EIF4G3: variants seen among roughly 807,000 people sequenced by gnomAD.
The protein encoded by EIF4G3 is eukaryotic translation initiation factor 4 gamma 3.
In EIF4G3, 34 loss-of-function variants were observed where a neutral mutation model predicts 186.4. The ratio of observed to expected loss-of-function variants is 0.18; its 90% confidence interval spans 0.14 to 0.24. The LOEUF is 0.24. EIF4G3 is among the 10% of genes least tolerant of loss of function. The probability of loss-of-function intolerance (pLI) is 1.00; values close to 1 mark genes in which losing one functional copy is unlikely to be tolerated. For synonymous variants in EIF4G3, 673 were observed against 679.5 expected (o/e 0.99, Z 0.15); for missense variants, 1,536 against 1,948.5 (o/e 0.79, Z 3.99).
chr1:21,016,609 T>C (rs779338872), intron 4 of EIF4G3, among the ~76,000 whole-genome samples: 1 of 151,978 alleles, frequency 6.6e-6, no homozygotes, highest in Non-Finnish European at 1.5e-5. Flanking sequence ...CAGTGAGCCA[T>C]GATCGCGTCA....
intron 11 of EIF4G3, among the ~76,000 whole-genome samples, chr1:20,972,026 C>T (rs566771740): frequency 2.6e-5 from 4 of 152,262 alleles, no homozygotes; most frequent in Admixed American, 2.0e-4. Context: ...GGGAGTCTCT[C>T]TTGAATAAAA....
At chr1:20,980,259 TA>T in intron 10 of EIF4G3, 74 bp downstream of exon 10, 1 of 1,080,952 alleles carries the variant, frequency 9.3e-7, no homozygotes, top group Non-Finnish European at 1.3e-6. Flanking sequence ...CCTCATTGTA[TA>T]AACCAACCCA....
At position 20,931,584 on chromosome 1, in the gene EIF4G3, G is replaced by A. The variant is rs1310592647; in HGVS notation, c.1663+9907C>T. On this transcript the variant is annotated intron_variant, in intron 14 of 36. Transcript: ENST00000602326. ...CCTAATGAGAGTCAGCCTGTCTTTTGTAGCTTTAATGCCAGGTATTGACTT... is the reference window on the plus strand; with the variant it reads ...CCTAATGAGAGTCAGCCTGTCTTTTATAGCTTTAATGCCAGGTATTGACTT... Among the ~76,000 whole-genome samples, 3 of 152,144 alleles carry A rather than the reference G, an allele frequency of 2.0e-5. No individual in the cohort carries two copies. In the East Asian group the frequency reaches 5.8e-4, roughly 29 times the overall value.
At chr1:21,018,345 G>GC (rs2089797456) in intron 4 of EIF4G3, among the ~76,000 whole-genome samples, 1 of 152,046 alleles carries the variant, frequency 6.6e-6, no homozygotes, top group Non-Finnish European at 1.5e-5. Flanking sequence ...CCTTTGGGAG[G>GC]CCGAGGCGGG....
chr1:20,942,529 C>T (rs2095759803), intron 13 of EIF4G3, among the ~76,000 whole-genome samples, 199 bp from the exon 14 acceptor site: 1 of 152,088 alleles, frequency 6.6e-6, no homozygotes. Flanking sequence ...GTATCCAATA[C>T]ATAAAGTCTG....
At chr1:20,902,088 G>A (rs1165271565) in intron 15 of EIF4G3, among the ~76,000 whole-genome samples, 6 of 146,670 alleles carry the variant, frequency 4.1e-5, no homozygotes, top group Non-Finnish European at 7.5e-5. Flanking sequence ...TTTTTGAGAC[G>A]GAGTCTTGCT....
At chr1:21,049,125 C>T (rs1299848881) in intron 4 of EIF4G3, among the ~76,000 whole-genome samples, 1 of 152,146 alleles carries the variant, frequency 6.6e-6, no homozygotes, top group African/African-American at 2.4e-5. Context: ...GCCATTGTGC[C>T]CTGCATCAGC....
intron 20 of EIF4G3, among the ~76,000 whole-genome samples, chr1:20,866,493 T>C (rs927136902): frequency 2.0e-5 from 3 of 152,216 alleles, no homozygotes; most frequent in Admixed American, 6.5e-5. Context: ...AAAAGGCTAC[T>C]GTATCCTTAA....
At chr1:20,870,230 C>T (rs944641030) in intron 20 of EIF4G3, among the ~76,000 whole-genome samples, 7 of 152,016 alleles carry the variant, frequency 4.6e-5, no homozygotes, top group African/African-American at 1.2e-4. Context: ...CTTTTTCTCT[C>T]GGTGTCTCTT....
chr1:20,992,922 T>C (rs1234263279), intron 7 of EIF4G3, among the ~76,000 whole-genome samples: 3 of 152,204 alleles, frequency 2.0e-5, no homozygotes, highest in South Asian at 4.1e-4. Flanking sequence ...GCTATAATTC[T>C]GAGTGTACTT....
chr1:21,121,279 A>G (rs890205593), intron 2 of EIF4G3, among the ~76,000 whole-genome samples: 6 of 152,134 alleles, frequency 3.9e-5, no homozygotes, highest in Admixed American at 3.3e-4. Context: ...ATTAAAGGAG[A>G]GCTTCCATAT....
chr1:20,993,164 T>C (rs1043175782), intron 7 of EIF4G3, among the ~76,000 whole-genome samples: 7 of 152,112 alleles, frequency 4.6e-5, no homozygotes, highest in African/African-American at 1.7e-4. Context: ...AATAGTAATA[T>C]CAGGAAGAAG....
At chr1:21,069,928 A>T (rs1283998574) in intron 3 of EIF4G3, among the ~76,000 whole-genome samples, 3 of 152,232 alleles carry the variant, frequency 2.0e-5, no homozygotes, top group African/African-American at 4.8e-5. Flanking sequence ...CAGGAAGAAT[A>T]GAGAAATGAA....
chr1:21,101,807 C>T (rs2096533635), intron 2 of EIF4G3, among the ~76,000 whole-genome samples: 1 of 151,958 alleles, frequency 6.6e-6, no homozygotes, highest in African/African-American at 2.4e-5. Flanking sequence ...TAAATACTTT[C>T]TTGAATCAAA....
intron 14 of EIF4G3, among the ~76,000 whole-genome samples, chr1:20,907,728 A>C (rs1214914804): frequency 1.3e-5 from 2 of 152,004 alleles, no homozygotes; most frequent in Admixed American, 6.6e-5. Context: ...TGAACTCATC[A>C]TTTTTTATGG....
chr1:21,034,104 G>C (rs1470343909), intron 4 of EIF4G3, among the ~76,000 whole-genome samples: 1 of 152,102 alleles, frequency 6.6e-6, no homozygotes, highest in African/African-American at 2.4e-5. Flanking sequence ...AAGTAACAAA[G>C]AAAATTTTTT....
intron 12 of EIF4G3, among the ~76,000 whole-genome samples, chr1:20,969,045 G>A (rs974622791): frequency 1.3e-5 from 2 of 152,126 alleles, no homozygotes; most frequent in African/African-American, 4.8e-5. Flanking sequence ...CAATAACACA[G>A]GAAATCATCT....
intron 3 of EIF4G3, among the ~76,000 whole-genome samples, chr1:21,065,378 A>G (rs1405131581): frequency 6.8e-6 from 1 of 147,454 alleles, no homozygotes; most frequent in Non-Finnish European, 1.5e-5. Context: ...TCAATAAAAG[A>G]GCATGGGGTT....
intron 2 of EIF4G3, among the ~76,000 whole-genome samples, chr1:21,115,495 C>T (rs2096801029): frequency 6.6e-6 from 1 of 152,192 alleles, no homozygotes; most frequent in Admixed American, 6.5e-5. Context: ...AGCTTTGCTT[C>T]ATTCAGTTGC....
Sources: allele counts gnomAD v4.1 joint callset (sites outside exome capture counted in the v4.1 genomes callset), GRCh38; gene constraint gnomAD v4.1.1; transcripts MANE v1.5; gene names NCBI Gene and HGNC (gene_info 2026-07-23, HGNC 2026-07-21).